Variants in CT55 observed in about 807,000 individuals in gnomAD.
CT55 encodes the protein cancer/testis antigen 55.
A neutral mutation model predicts 12.6 loss-of-function variants in CT55; 1 was observed. The ratio of observed to expected loss-of-function variants is 0.08; its 90% CI spans 0.03 to 0.38. The LOEUF (loss-of-function observed/expected upper bound fraction) is 0.38, where lower values mean the gene tolerates loss of function less well. Ranked by LOEUF, CT55 falls within the 10% of genes least tolerant of loss-of-function variation. The pLI is 0.99. For synonymous variants in CT55, 43 were observed against 49.7 expected, an observed-to-expected ratio of 0.87 and a Z score of 0.57; for missense variants, 109 against 135.4, an observed-to-expected ratio of 0.80 and a Z score of 0.97.
Position 135,171,205 on chromosome X carries a change from T to A in CT55, c.-34A>T. 8.3e-7 allele frequency: 1 copy of A among 1,208,551 alleles called. No homozygotes were observed. The highest frequency in any genetic ancestry group is 3.0e-5 in the East Asian group (1 of 33,706). Reference sequence around the variant, plus strand: ...TTGTCACCACCGGCCTGGGCACCGCTTGTGGCAGATGAAGCACGAGGCCTC... The same window carrying A: ...TTGTCACCACCGGCCTGGGCACCGCATGTGGCAGATGAAGCACGAGGCCTC... On this transcript the variant is annotated 5_prime_UTR_variant, in exon 1 of 6. In the 5' UTR this introduces an upstream ATG that the reference lacks. Coordinates refer to ENST00000276241, the MANE Select transcript of CT55 (RefSeq NM_001031705.3).
At chrX:135,168,423 G>T (rs1556406299) in intron 2 of CT55, among the ~76,000 whole-genome samples, 2 of 111,971 alleles carry the variant, frequency 1.8e-5, no homozygotes, top group Non-Finnish European at 3.8e-5. Context: ...TAGAATGGTG[G>T]TTACCAGACG....
In CT55 at chrX:135,169,574, C is replaced by T; in HGVS notation, c.279+20G>A. 1 of 1,165,597 alleles carries T rather than the reference C, an allele frequency of 8.6e-7. No individual in the cohort carries two copies. Among genetic ancestry groups the T allele is most frequent in the East Asian group, 3.0e-5 (1 of 32,926 alleles). On this transcript the variant is annotated intron_variant, in intron 2 of 5. Transcript: ENST00000276241. The stretch of plus-strand genomic sequence containing the variant: ...GCCCACTGGGATAAGACACAATTCC[C>T]AAACTCATGCACATCTCACCTTGAT...
intron 3 of CT55, among the ~76,000 whole-genome samples, chrX:135,158,771 A>T (rs2083548806): frequency 8.9e-6 from 1 of 112,672 alleles, no homozygotes; most frequent in African/African-American, 3.2e-5. Context: ...TGAGAAGCAC[A>T]GTAAGTAGCC....
At chrX:135,166,973 T>G (rs1339338273) in intron 2 of CT55, among the ~76,000 whole-genome samples, 1 of 112,202 alleles carries the variant, frequency 8.9e-6, no homozygotes, top group Non-Finnish European at 1.9e-5. Flanking sequence ...TGGAAATATA[T>G]CATGTGTTCA....
In CT55 at chrX:135,160,422, A is replaced by G; in HGVS notation, c.413T>C (p.Ile138Thr). The G allele has an allele frequency of 8.6e-7, 1 of 1,159,115 alleles. No individual in the cohort carries two copies. Among genetic ancestry groups the G allele is most frequent in the Admixed American group, 2.6e-5 (1 of 37,806 alleles). The stretch of plus-strand genomic sequence containing the variant: ...AATATAAATCATACCTTCAGAAACA[A>G]TGGCTATGGAAAAATAAATGCTGTT... ...ISNSIYFSIA[I>T]VSEDFVPYKG... Residue 138 changes from isoleucine (I) to threonine (T), a missense_variant, in exon 3 of 6, where the codon ATT becomes ACT. Transcript: ENST00000276241.
chrX:135,164,587 T>A (rs1271163487), intron 2 of CT55, among the ~76,000 whole-genome samples: 1 of 112,086 alleles, frequency 8.9e-6, no homozygotes, highest in African/African-American at 3.2e-5. Context: ...CTATCAATAA[T>A]TACCTTGATA....
intron 1 of CT55, 152 bp from the exon 2 acceptor site, chrX:135,169,930 A>G (rs1363794828): frequency 1.3e-5 from 4 of 311,409 alleles, no homozygotes; most frequent in African/African-American, 2.7e-5. Context: ...CAACAATCAC[A>G]ATTTCGCCTA....
chrX:135,168,139 C>T (rs1300571906), intron 2 of CT55, among the ~76,000 whole-genome samples: 2 of 112,306 alleles, frequency 1.8e-5, no homozygotes, highest in Non-Finnish European at 3.8e-5. Context: ...GATGTCAGCA[C>T]TTCCATGTTT....
intron 2 of CT55, among the ~76,000 whole-genome samples, chrX:135,165,033 A>G (rs1381625130): frequency 1.8e-5 from 2 of 112,212 alleles, no homozygotes; most frequent in Non-Finnish European, 3.8e-5. Flanking sequence ...CCGACAGAAC[A>G]TTGACCCCAC....
intron 2 of CT55, among the ~76,000 whole-genome samples, chrX:135,167,567 A>T (rs1347143266): frequency 9.0e-6 from 1 of 111,419 alleles, no homozygotes; most frequent in Non-Finnish European, 1.9e-5. Flanking sequence ...CAGGACCTCA[A>T]AAGCAAAGGC....
chrX:135,158,161 G>A lies in CT55; in HGVS notation c.537+38C>T, dbSNP rs782574093. On this transcript the variant is annotated intron_variant, in intron 4 of 5. Transcript: ENST00000276241. ...TAAATTATCACCAAAGGAAGAGTTAGCAGAAACTGCTGACGGGAGCAACAG... is the reference window on the plus strand; with the variant it reads ...TAAATTATCACCAAAGGAAGAGTTAACAGAAACTGCTGACGGGAGCAACAG... 3.9e-5 allele frequency: 34 copies of A among 871,738 alleles called. No homozygotes were observed. In the South Asian group the frequency reaches 6.8e-4, roughly 17 times the overall value. 71.8% of individuals were successfully genotyped at this position (871,738 alleles called of 1,213,427 possible). A position where few individuals can be genotyped will look rare whatever the true frequency, so the allele number is the denominator to read the frequency against.
Position 135,160,414 on chromosome X carries a change from C to T in CT55, c.421G>A (p.Glu141Lys), listed in dbSNP as rs1556404967. The T allele has an allele frequency of 3.5e-6, 4 of 1,156,325 alleles. No homozygotes were observed. Among genetic ancestry groups the T allele is most frequent in the Non-Finnish European group, 3.5e-6 (3 of 866,452 alleles). ...TATTTCAAAATATAAATCATACCTT[C>T]AGAAACAATGGCTATGGAAAAATAA... ...SIYFSIAIVSEDFVPYKGDLL... is the reference protein window; with the variant it reads ...SIYFSIAIVSKDFVPYKGDLL... Residue 141 changes from glutamate to lysine, a missense_variant, in exon 3 of 6, where the codon GAA becomes AAA. Transcript: ENST00000276241.
At chrX:135,171,034 G>A in intron 1 of CT55, 44 bp downstream of exon 1, 1 of 1,201,050 alleles carries the variant, frequency 8.3e-7, no homozygotes, top group Non-Finnish European at 1.1e-6. Context: ...ACCCCTATTG[G>A]GAGGCTTCTG....
intron 2 of CT55, among the ~76,000 whole-genome samples, chrX:135,165,959 G>C (rs1285711306): frequency 1.1e-5 from 1 of 92,571 alleles, no homozygotes; most frequent in Non-Finnish European, 2.0e-5. Flanking sequence ...GTCCAAGACA[G>C]AATGACTTCC....
rs1326557247 is a variant in CT55, at chrX:135,169,588, T to C, written c.279+6A>G. The C allele has an allele frequency of 4.3e-5, 51 of 1,188,805 alleles. No homozygotes were observed. Among genetic ancestry groups the C allele is most frequent in the Non-Finnish European group, 5.3e-5 (47 of 881,510 alleles). ...GACACAATTCCCAAACTCATGCACA[T>C]CTCACCTTGATTGCTCTCAATCCAT... On this transcript the variant is annotated splice_donor_region_variant and intron_variant, in intron 2 of 5. Transcript: ENST00000276241.
At chrX:135,163,446 G>C (rs2083570507) in intron 2 of CT55, among the ~76,000 whole-genome samples, 2 of 111,526 alleles carry the variant, frequency 1.8e-5, no homozygotes, top group African/African-American at 6.5e-5. Context: ...ATCCAAAGAA[G>C]AATTGATTGA....
At chrX:135,160,824 C>T (rs1556405061) in intron 2 of CT55, among the ~76,000 whole-genome samples, 1 of 111,471 alleles carries the variant, frequency 9.0e-6, no homozygotes. Context: ...AAAATAATAC[C>T]GTCCTTCGCC....
rs181550232 is a variant in CT55 at position 135,161,509 on chromosome X, A to T, written c.280-954T>A. ...ATTCAGTGTTAAAGTATCACATTAA[A>T]TGAACACAAAAGTTTTTAAATAACA... is the stretch of plus-strand genomic sequence containing the variant. On this transcript the variant is annotated intron_variant, in intron 2 of 5. Transcript: ENST00000276241. Among the ~76,000 whole-genome samples, 76 of 112,553 alleles carry T rather than the reference A, an allele frequency of 6.8e-4. No homozygotes were observed. In the Admixed American group the frequency reaches 7.0e-3, roughly 10 times the overall value.
chrX:135,159,347 T>A (rs1489288686), intron 3 of CT55, among the ~76,000 whole-genome samples: 1 of 111,152 alleles, frequency 9.0e-6, no homozygotes, highest in East Asian at 2.8e-4. Flanking sequence ...GGGTCAATTA[T>A]CCATATGCTT....
Sources: allele counts gnomAD v4.1 joint callset (sites outside exome capture counted in the v4.1 genomes callset), GRCh38; gene constraint gnomAD v4.1.1; transcripts MANE v1.5; gene names NCBI Gene and HGNC (gene_info 2026-07-23, HGNC 2026-07-21).